Variants in APBB2 observed in about 807,000 individuals in gnomAD.
The protein encoded by APBB2 is amyloid beta precursor protein binding family B member 2.
In APBB2, 38 loss-of-function variants were observed where a neutral mutation model predicts 82.5. The observed-to-expected ratio is 0.46, with a 90% CI of 0.36 to 0.60. The LOEUF (loss-of-function observed/expected upper bound fraction) is 0.60. APBB2 is among the 20% of genes least tolerant of loss of function. The probability of loss-of-function intolerance (pLI) is 0.00; values close to 1 mark genes in which losing one functional copy is unlikely to be tolerated. For synonymous variants in APBB2, 341 were observed against 368.2 expected (o/e 0.93, Z 0.85); for missense variants, 772 against 972.3 (o/e 0.79, Z 2.74).
intron 6 of APBB2, among the ~76,000 whole-genome samples, chr4:40,981,518 G>A (rs1178998884): frequency 1.3e-5 from 2 of 152,164 alleles, no homozygotes; most frequent in African/African-American, 4.8e-5. Context: ...CATTAGTACA[G>A]ATAATTAAGC....
intron 1 of APBB2, among the ~76,000 whole-genome samples, chr4:41,175,729 T>A (rs145942885): frequency 6.6e-6 from 1 of 152,222 alleles, no homozygotes; most frequent in Admixed American, 6.5e-5. Flanking sequence ...TGAAGTTGAA[T>A]GTTTGAATGA....
intron 4 of APBB2, among the ~76,000 whole-genome samples, chr4:41,043,347 C>T (rs1722225712): frequency 6.6e-6 from 1 of 152,052 alleles, no homozygotes; most frequent in South Asian, 2.1e-4. Context: ...TTTAATTGCA[C>T]AGAAAGATAT....
chr4:40,925,925 G>A (rs575236933), intron 10 of APBB2, among the ~76,000 whole-genome samples: 2 of 152,122 alleles, frequency 1.3e-5, no homozygotes, highest in East Asian at 1.9e-4. Flanking sequence ...AGAAAGCTCC[G>A]TCAAACCTAC....
chr4:41,064,678 A>G (rs906401049), intron 4 of APBB2, among the ~76,000 whole-genome samples: 3 of 152,236 alleles, frequency 2.0e-5, no homozygotes, highest in Non-Finnish European at 2.9e-5. Context: ...AAAGGCTACA[A>G]CTATAGCAGT....
chr4:41,213,854 T>C (rs1779955674), intron 1 of APBB2, among the ~76,000 whole-genome samples: 3 of 152,106 alleles, frequency 2.0e-5, no homozygotes. Context: ...TCTGAACCCC[T>C]CGTGGAGAAG....
At chr4:40,976,349 T>G (rs1205807539) in intron 6 of APBB2, among the ~76,000 whole-genome samples, 1 of 152,246 alleles carries the variant, frequency 6.6e-6, no homozygotes, top group Non-Finnish European at 1.5e-5. Context: ...ATGTGCAATG[T>G]ATAATTTACT....
rs367801854 is a variant in APBB2 at position 40,966,519 on chromosome 4, CAT to C, written c.836-21448_836-21447del. Among the ~76,000 whole-genome samples, 420 of 152,312 alleles carry C rather than the reference CAT, an allele frequency of 2.8e-3. 2 individuals are homozygous for C. The highest frequency in any genetic ancestry group is 9.6e-3 in the African/African-American group (400 of 41,562). ...ACCCAGCTGCTAATGTGGACCCAGG[CAT>C]CTCTGTACTCTTGGGGGCCTAGAAA... On this transcript the variant is annotated intron_variant, in intron 6 of 17. Transcript: ENST00000508593.
At chr4:40,897,054 G>C (rs1302836527) in intron 10 of APBB2, among the ~76,000 whole-genome samples, 4 of 152,192 alleles carry the variant, frequency 2.6e-5, no homozygotes, top group African/African-American at 9.7e-5. Flanking sequence ...AAAGAATTCA[G>C]TAACAACAAA....
At chr4:40,932,128 T>C (rs901743177) in intron 10 of APBB2, among the ~76,000 whole-genome samples, 2 of 152,322 alleles carry the variant, frequency 1.3e-5, no homozygotes, top group African/African-American at 2.4e-5. Context: ...CCATCTCCAT[T>C]CCATGCTTTC....
At chr4:41,167,964 T>C (rs1473248706) in intron 1 of APBB2, among the ~76,000 whole-genome samples, 2 of 152,224 alleles carry the variant, frequency 1.3e-5, no homozygotes. Context: ...ACAATGAGCA[T>C]GTTTAGAAAT....
intron 2 of APBB2, among the ~76,000 whole-genome samples, chr4:41,112,160 C>A (rs1177391020): frequency 6.6e-6 from 1 of 152,172 alleles, no homozygotes; most frequent in East Asian, 1.9e-4. Flanking sequence ...AACCCCACCT[C>A]CAAAGCAGAA....
chr4:40,974,490 C>A (rs1421674621), intron 6 of APBB2, among the ~76,000 whole-genome samples: 1 of 152,128 alleles, frequency 6.6e-6, no homozygotes, highest in African/African-American at 2.4e-5. Flanking sequence ...ATGGCATATA[C>A]AGCTACTTTT....
At chr4:41,108,573 A>G (rs1748071869) in intron 2 of APBB2, among the ~76,000 whole-genome samples, 1 of 152,188 alleles carries the variant, frequency 6.6e-6, no homozygotes, top group African/African-American at 2.4e-5. Flanking sequence ...TGTGTTTCCC[A>G]TCCTGGTGAG....
intron 7 of APBB2, among the ~76,000 whole-genome samples, chr4:40,942,702 C>G (rs1297564528): frequency 6.6e-6 from 1 of 152,020 alleles, no homozygotes; most frequent in African/African-American, 2.4e-5. Context: ...CCCTTCTGAG[C>G]CTGGGAGGGG....
At chr4:41,055,603 A>G (rs1727561637) in intron 4 of APBB2, among the ~76,000 whole-genome samples, 3 of 152,160 alleles carry the variant, frequency 2.0e-5, no homozygotes, top group African/African-American at 7.2e-5. Context: ...TCTCTCCCCA[A>G]CAACTTTTCT....
At position 41,103,973 on chromosome 4, in the gene APBB2, A is replaced by G. The variant is rs922233977; in HGVS notation, c.-260-3223T>C. ...AGAGGCCAAAATATAATTTGCTTTTACAGGCTAATACAGTCATGGATTTAG... is the reference window on the plus strand; with the variant it reads ...AGAGGCCAAAATATAATTTGCTTTTGCAGGCTAATACAGTCATGGATTTAG... On this transcript the variant is annotated intron_variant, in intron 2 of 17. Transcript: ENST00000508593. 2.0e-5 allele frequency among the ~76,000 whole-genome samples: 3 copies of G among 152,236 alleles called. No homozygotes were observed. In the East Asian group the frequency reaches 5.8e-4, roughly 29 times the overall value.
intron 3 of APBB2, among the ~76,000 whole-genome samples, chr4:41,093,996 A>AGT (rs1742659634): frequency 6.6e-6 from 1 of 152,164 alleles, no homozygotes; most frequent in African/African-American, 2.4e-5. Context: ...ACCAAACAAG[A>AGT]GTGACTGTCA....
chr4:41,005,404 T>TTTG (rs1806425114), intron 6 of APBB2, among the ~76,000 whole-genome samples: 1 of 152,112 alleles, frequency 6.6e-6, no homozygotes, highest in Non-Finnish European at 1.5e-5. Flanking sequence ...AGGGTTTTTT[T>TTTG]TTTGTTTGCT....
chr4:41,044,427 G>T (rs1328517171), intron 4 of APBB2, among the ~76,000 whole-genome samples: 1 of 152,030 alleles, frequency 6.6e-6, no homozygotes, highest in East Asian at 1.9e-4. Flanking sequence ...TAGCTTCCTT[G>T]TTACCTATTT....
Sources: gnomAD v4.1 joint callset for allele counts (sites outside exome capture counted in the v4.1 genomes callset) on GRCh38, gnomAD v4.1.1 for gene constraint, MANE v1.5 for transcripts, NCBI Gene and HGNC (gene_info 2026-07-23, HGNC 2026-07-21) for gene names.